LEMD1: variants seen among roughly 807,000 people sequenced by gnomAD.
LEMD1 encodes LEM domain containing 1.
In LEMD1, 18 loss-of-function variants were observed where a neutral mutation model predicts 17.4. That is an observed-to-expected ratio of 1.04 (90% CI 0.72 to 1.54). The LOEUF is 1.54. LEMD1 is among the 40% of genes most tolerant of loss of function. LEMD1 has a pLI of 0.00. For synonymous variants in LEMD1, 88 were observed against 77.8 expected (o/e 1.13, Z -0.69); for missense variants, 195 against 210.4 (o/e 0.93, Z 0.45).
upstream of LEMD1, among the ~76,000 whole-genome samples, chr1:205,423,479 A>G (rs148371474): frequency 3.5e-3 from 534 of 152,380 alleles, 3 homozygotes; most frequent in Non-Finnish European, 5.7e-3. Context: ...GACTATTGGG[A>G]TGAAACAGAC....
At chr1:205,444,463 C>T (rs1331567971) in intron 1 of LEMD1, among the ~76,000 whole-genome samples, 1 of 152,022 alleles carries the variant, frequency 6.6e-6, no homozygotes, top group East Asian at 1.9e-4. Context: ...GTTCCTCGGC[C>T]TCCCTGCTGA....
chr1:205,405,774 C>A (rs1222665894), intron 4 of LEMD1, among the ~76,000 whole-genome samples: 1 of 149,040 alleles, frequency 6.7e-6, no homozygotes, highest in South Asian at 2.1e-4. Flanking sequence ...GGAGGAGAGG[C>A]GCTCTGCTTT....
rs1330470813 is a variant in LEMD1, at chr1:205,416,273, T to C, written c.229A>G (p.Asn77Asp). 6.5e-7 allele frequency: 1 copy of C among 1,548,684 alleles called. No individual in the cohort carries two copies. The highest frequency in any genetic ancestry group is 1.4e-5 in the African/African-American group (1 of 72,978). ...CTTTTTTCTGTTGAGAGTATGATATTTCCTTGCAAAATGATATTAAGCTCT... is the reference window on the plus strand; with the variant it reads ...CTTTTTTCTGTTGAGAGTATGATATCTCCTTGCAAAATGATATTAAGCTCT... ...SEELNIILQGNIILSTEKSKK... is the reference protein window; with the variant it reads ...SEELNIILQGDIILSTEKSKK... Residue 77 changes from asparagine to aspartate, a missense_variant, in exon 4 of 6, where the codon AAT becomes GAT. Asn to Asp is a conservative substitution (Grantham distance 23). Coordinates refer to ENST00000367153, the MANE Select transcript of LEMD1 (RefSeq NM_001199050.2).
At chr1:205,433,630 G>A (rs1666161018) in intron 1 of LEMD1, among the ~76,000 whole-genome samples, 1 of 152,194 alleles carries the variant, frequency 6.6e-6, no homozygotes, top group Admixed American at 6.5e-5. Context: ...CCCCATGCAA[G>A]AGGGTGAAGG....
intron 1 of LEMD1, among the ~76,000 whole-genome samples, chr1:205,430,028 G>T (rs768688325): frequency 9.9e-5 from 15 of 152,210 alleles, no homozygotes; most frequent in Non-Finnish European, 1.9e-4. Flanking sequence ...ATTGGACAGG[G>T]CTGGGACACA....
At chr1:205,410,116 C>G (rs995644023) in intron 4 of LEMD1, among the ~76,000 whole-genome samples, 2 of 151,198 alleles carry the variant, frequency 1.3e-5, no homozygotes, top group African/African-American at 4.9e-5. Flanking sequence ...GAGATGGGTT[C>G]TTGTCATGTT....
At chr1:205,446,346 T>A (rs1666389209) in intron 1 of LEMD1, among the ~76,000 whole-genome samples, 1 of 152,238 alleles carries the variant, frequency 6.6e-6, no homozygotes, top group South Asian at 2.1e-4. Flanking sequence ...GGGCTTGCTC[T>A]ATGTCCCTGC....
chr1:205,388,167 C>T (rs561914416), intron 4 of LEMD1, among the ~76,000 whole-genome samples: 2 of 151,928 alleles, frequency 1.3e-5, no homozygotes, highest in South Asian at 4.2e-4. Flanking sequence ...TTATCTTGGG[C>T]ATTTAACATA....
intron 4 of LEMD1, among the ~76,000 whole-genome samples, chr1:205,400,441 C>T (rs561658526): frequency 2.6e-4 from 39 of 152,152 alleles, no homozygotes; most frequent in Non-Finnish European, 4.7e-4. Flanking sequence ...GTTTGTCCCA[C>T]GGCGATGTAA....
intron 4 of LEMD1, among the ~76,000 whole-genome samples, chr1:205,406,856 C>T (rs923857166): frequency 4.6e-5 from 7 of 152,110 alleles, no homozygotes; most frequent in Non-Finnish European, 1.0e-4. Context: ...CTTGGCTCCT[C>T]CCCCCAATAT....
chr1:205,395,412 T>G (rs1413982619), intron 4 of LEMD1, among the ~76,000 whole-genome samples: 1 of 151,870 alleles, frequency 6.6e-6, no homozygotes, highest in East Asian at 1.9e-4. Flanking sequence ...CTGACCAACA[T>G]GGAGAAACCC....
At chr1:205,426,157 A>G (rs1191034433), upstream of LEMD1, among the ~76,000 whole-genome samples, 1 of 152,196 alleles carries the variant, frequency 6.6e-6, no homozygotes, top group African/African-American at 2.4e-5. Flanking sequence ...CTTAAAACCT[A>G]AACGGTCCTA....
chr1:205,426,839 G>A (rs1188036399), upstream of LEMD1, among the ~76,000 whole-genome samples: 1 of 152,158 alleles, frequency 6.6e-6, no homozygotes, highest in Non-Finnish European at 1.5e-5. Flanking sequence ...GGTGTTCAGG[G>A]CTGTCAGGAA....
chr1:205,429,820 G>T (rs1432919096), intron 1 of LEMD1, among the ~76,000 whole-genome samples: 1 of 152,124 alleles, frequency 6.6e-6, no homozygotes, highest in African/African-American at 2.4e-5. Context: ...TGGGGTCATT[G>T]TCTGGGAATG....
chr1:205,442,141 C>T (rs574412933), intron 1 of LEMD1, among the ~76,000 whole-genome samples: 32 of 152,170 alleles, frequency 2.1e-4, no homozygotes, highest in Admixed American at 5.9e-4. Flanking sequence ...GGAAGGAAAG[C>T]GCCCTGCGTG....
chr1:205,404,121 G>C (rs140282280), intron 4 of LEMD1, among the ~76,000 whole-genome samples: 3 of 151,734 alleles, frequency 2.0e-5, no homozygotes, highest in Admixed American at 6.6e-5. Context: ...TTTACTTCCA[G>C]CTATGTGGTC....
chr1:205,446,622 A>G (rs1225972325), intron 1 of LEMD1, among the ~76,000 whole-genome samples: 1 of 152,192 alleles, frequency 6.6e-6, no homozygotes, highest in Non-Finnish European at 1.5e-5. Context: ...CTGGCTTTCC[A>G]GTTAGGAGAT....
rs1156827561 is a variant in LEMD1, at chr1:205,411,717, GAGAA to G, written c.270+4511_270+4514del. On this transcript the variant is annotated intron_variant, in intron 4 of 5. Coordinates refer to ENST00000367153, the MANE Select transcript of LEMD1 (RefSeq NM_001199050.2). ...AAAGAAAAAGGAAGAAAGAAAGAAA[GAGAA>G]AGAAAGAAAAGAAAAGAAAGACTGA... 8.6e-5 allele frequency among the ~76,000 whole-genome samples: 13 copies of G among 151,764 alleles called. No homozygotes were observed. In the South Asian group the frequency reaches 1.2e-3, roughly 15 times the overall value.
At chr1:205,390,935 C>A (rs1465518664) in intron 4 of LEMD1, among the ~76,000 whole-genome samples, 2 of 152,144 alleles carry the variant, frequency 1.3e-5, no homozygotes, top group Non-Finnish European at 2.9e-5. Flanking sequence ...GCGAGGAAGG[C>A]AAGGGCTGAA....
Sources: allele counts gnomAD v4.1 joint callset (sites outside exome capture counted in the v4.1 genomes callset), GRCh38; gene constraint gnomAD v4.1.1; transcripts MANE v1.5; gene names NCBI Gene and HGNC (gene_info 2026-07-23, HGNC 2026-07-21).